ADGRV1: variants seen among roughly 807,000 people sequenced by gnomAD.
ADGRV1 encodes adhesion G protein-coupled receptor V1.
ADGRV1 carries 359 observed loss-of-function variants against 596.2 expected under a neutral mutation model. The ratio of observed to expected loss-of-function variants is 0.60; its 90% CI spans 0.55 to 0.66. ADGRV1 has a LOEUF of 0.66. Ranked by LOEUF, ADGRV1 falls within the 30% of genes least tolerant of loss-of-function variation. ADGRV1 has a pLI of 0.00. For missense variants in ADGRV1, 7,274 were observed against 7,575.6 expected, an observed-to-expected ratio of 0.96 and a Z score of 1.48; for synonymous variants, 2,681 against 2,679.2, an observed-to-expected ratio of 1.00 and a Z score of -0.02.
At chr5:90,565,218 C>G (rs1755486120) in intron 1 of ADGRV1, among the ~76,000 whole-genome samples, 1 of 152,056 alleles carries the variant, frequency 6.6e-6, no homozygotes. Flanking sequence ...GCCTGGGCAA[C>G]AAGAGCAAAA....
intron 79 of ADGRV1, among the ~76,000 whole-genome samples, chr5:90,852,624 A>T (rs907552212): frequency 5.3e-5 from 8 of 152,194 alleles, no homozygotes; most frequent in Non-Finnish European, 1.0e-4. Flanking sequence ...GTAATCTAGA[A>T]ATCTGTACTT....
In ADGRV1 at chr5:90,719,200, TGTACCTGAATG is replaced by T. The variant is rs1257931846; in HGVS notation, c.9448-843_9448-833del. The stretch of plus-strand genomic sequence containing the variant: ...CAAAAACTAGCTGGGTGTAGTGGTG[TGTACCTGAATG>T]GTACTCAGGAGGCTGAGGCAGGAGA... On this transcript the variant is annotated intron_variant, in intron 43 of 89. Transcript: ENST00000405460. 3.9e-5 allele frequency among the ~76,000 whole-genome samples: 6 copies of T among 152,152 alleles called. No homozygotes were observed. In the East Asian group the frequency reaches 7.7e-4, roughly 20 times the overall value.
intron 87 of ADGRV1, among the ~76,000 whole-genome samples, chr5:91,103,507 T>A (rs1199050388): frequency 6.6e-6 from 1 of 151,570 alleles, no homozygotes; most frequent in Non-Finnish European, 1.5e-5. Context: ...AGAGGCTCAG[T>A]CTTGGTCACC....
At chr5:90,896,032 A>G (rs1771278161) in intron 83 of ADGRV1, among the ~76,000 whole-genome samples, 1 of 152,014 alleles carries the variant, frequency 6.6e-6, no homozygotes, top group African/African-American at 2.4e-5. Flanking sequence ...CTCGGAGGTC[A>G]TTGACTATCA....
chr5:90,937,430 G>T (rs1297064970), intron 83 of ADGRV1, among the ~76,000 whole-genome samples: 1 of 145,020 alleles, frequency 6.9e-6, no homozygotes, highest in East Asian at 2.0e-4. Flanking sequence ...CCCATTTATT[G>T]TATCTTTTAA....
At chr5:90,937,544 G>A (rs1375797964) in intron 83 of ADGRV1, among the ~76,000 whole-genome samples, 3 of 144,902 alleles carry the variant, frequency 2.1e-5, no homozygotes, top group Non-Finnish European at 1.5e-5. Flanking sequence ...TGCAAGCTCC[G>A]CCTCCCGGGT....
chr5:90,756,930 T>G, intron 56 of ADGRV1, 49 bp from the exon 57 acceptor site: 25 of 1,380,146 alleles, frequency 1.8e-5, no homozygotes, highest in Non-Finnish European at 2.4e-5. Flanking sequence ...AGATGACTTA[T>G]GAGAGTTACC....
intron 31 of ADGRV1, among the ~76,000 whole-genome samples, chr5:90,691,675 G>A (rs1212878707): frequency 2.0e-5 from 3 of 152,024 alleles, no homozygotes; most frequent in Non-Finnish European, 4.4e-5. Context: ...ATGAGCCAAC[G>A]TGCCCAGCCT....
In ADGRV1 at chr5:90,810,331, G is replaced by A. The variant is rs1478360492; in HGVS notation, c.15071G>A (p.Arg5024Lys). 6.2e-7 allele frequency: 1 copy of A among 1,612,496 alleles called. No individual in the cohort carries two copies. Among genetic ancestry groups the A allele is most frequent in the Non-Finnish European group, 8.5e-7 (1 of 1,179,284 alleles). Reference sequence around the variant, plus strand: ...GTGTCAGAAGATACACAGATGATCAGATTACATGTACAAAGACTATTTGGG... The same window carrying A: ...GTGTCAGAAGATACACAGATGATCAAATTACATGTACAAAGACTATTTGGG... Reference protein sequence around the residue: ...IIVSEDTQMIRLHVQRLFGFH... With the variant: ...IIVSEDTQMIKLHVQRLFGFH... The change falls in exon 74 of 90, where the codon AGA becomes AAA. Residue 5024 changes from arginine (R) to lysine (K), a missense_variant. Coordinates refer to ENST00000405460, the MANE Select transcript of ADGRV1 (RefSeq NM_032119.4).
rs10058411 is a variant in ADGRV1, at chr5:91,020,500, C to A, written c.18152+34978C>A. ...GCAGGTCAAGAGTAGAACTTAGGGA[C>A]CTTAATGACTTGCACCAGGTTACAT... On this transcript the variant is annotated intron_variant, in intron 85 of 89. Transcript: ENST00000405460. 7.7e-4 allele frequency among the ~76,000 whole-genome samples: 117 copies of A among 151,974 alleles called. 1 individual carries two copies. Among genetic ancestry groups the A allele is most frequent in the African/African-American group, 2.6e-3 (108 of 41,376 alleles).
chr5:91,066,507 A>G (rs773902262), intron 85 of ADGRV1, among the ~76,000 whole-genome samples: 3 of 152,200 alleles, frequency 2.0e-5, no homozygotes, highest in Admixed American at 6.5e-5. Context: ...TTATTCAGAC[A>G]GTATTGCTCA....
chr5:90,994,350 G>T (rs1165274992), intron 85 of ADGRV1, among the ~76,000 whole-genome samples: 3 of 152,108 alleles, frequency 2.0e-5, no homozygotes, highest in Non-Finnish European at 4.4e-5. Context: ...GGCATGAGCT[G>T]CCATGCCCGG....
rs1745562795 is a variant in ADGRV1, at chr5:90,685,911, C to T, written c.6406C>T (p.Pro2136Ser). 1 of 1,611,220 alleles carries T rather than the reference C, an allele frequency of 6.2e-7. No individual in the cohort carries two copies. The change falls in exon 29 of 90, where the codon CCC (proline) becomes TCC (serine). Residue 2136 changes from proline to serine, a missense_variant. Around this residue, in one of 5 missense-constraint regions of ADGRV1, gnomAD observed 3,643 missense variants for 3,809.2 expected, o/e 0.96. Transcript: ENST00000405460. Reference protein sequence around the residue: ...IVRVAENHVGPIINVTRTGGA... With the variant: ...IVRVAENHVGSIINVTRTGGA... ...CCGAGTGGCAGAAAATCATGTTGGACCCATTATCAATGTGACTAGAACAGG... is the reference window on the plus strand; with the variant it reads ...CCGAGTGGCAGAAAATCATGTTGGATCCATTATCAATGTGACTAGAACAGG...
rs544607935 is a variant in ADGRV1 at position 90,929,899 on chromosome 5, T to G, written c.17857-35516T>G. 2.0e-5 allele frequency among the ~76,000 whole-genome samples: 3 copies of G among 152,342 alleles called. No homozygotes were observed. In the South Asian group the frequency reaches 6.2e-4, roughly 32 times the overall value. On this transcript the variant is annotated intron_variant, in intron 83 of 89. Coordinates refer to ENST00000405460, the MANE Select transcript of ADGRV1 (RefSeq NM_032119.4). Reference sequence around the variant, plus strand: ...TAAATGACTGTATCCTACAGAAACATTAAGAAATCATTTTTAAGAAAAGTT... The same window carrying G: ...TAAATGACTGTATCCTACAGAAACAGTAAGAAATCATTTTTAAGAAAAGTT...
Position 90,829,083 on chromosome 5 carries a change from G to A in ADGRV1, c.16508G>A (p.Gly5503Asp). 1.2e-6 allele frequency: 2 copies of A among 1,612,566 alleles called. No individual in the cohort carries two copies. Among genetic ancestry groups the A allele is most frequent in the East Asian group, 4.5e-5 (2 of 44,874 alleles). Residue 5503 changes from glycine to aspartate, a missense_variant, in exon 77 of 90, where the codon GGT (glycine) becomes GAT (aspartate). By Grantham distance (94) the Gly-to-Asp change is moderately conservative (BLOSUM62 -1). This residue lies in a region of ADGRV1 where 1,874 missense variants were observed against 1,970.2 expected (regional missense o/e 0.95). Coordinates refer to ENST00000405460, the MANE Select transcript of ADGRV1 (RefSeq NM_032119.4). ...ESQSLVYFSVGSRLAVAHKKA... is the reference protein window; with the variant it reads ...ESQSLVYFSVDSRLAVAHKKA... ...CAAAGCCTTGTGTATTTTTCTGTGG[G>A]TTCTCGGCTGGCAGTGGCTCACAAG... is the stretch of plus-strand genomic sequence containing the variant.
intron 49 of ADGRV1, among the ~76,000 whole-genome samples, chr5:90,729,148 G>C (rs527349392): frequency 3.3e-5 from 5 of 152,140 alleles, no homozygotes; most frequent in Admixed American, 3.3e-4. Context: ...CTACCTGAAA[G>C]TTATATGAAA....
At position 90,810,367 on chromosome 5, in the gene ADGRV1, A is replaced by T. The variant is rs1326353450; in HGVS notation, c.15107A>T (p.Asp5036Val). Reference protein sequence around the residue: ...HVQRLFGFHSDLIKVSYQTTA... With the variant: ...HVQRLFGFHSVLIKVSYQTTA... ...CAAAGACTATTTGGGTTCCACAGCG[A>T]TCTTATTAAAGTTTCTTATCAGACC... Residue 5036 changes from aspartate to valine, a missense_variant, in exon 74 of 90, where the codon GAT (aspartate) becomes GTT (valine). By Grantham distance (152) the Asp-to-Val change is radical. Coordinates refer to ENST00000405460, the MANE Select transcript of ADGRV1 (RefSeq NM_032119.4). The T allele has an allele frequency of 6.2e-7, 1 of 1,613,662 alleles. No individual in the cohort carries two copies. Among genetic ancestry groups the T allele is most frequent in the Non-Finnish European group, 8.5e-7 (1 of 1,179,824 alleles).
chr5:90,980,427 A>G (rs1440769283), intron 84 of ADGRV1, among the ~76,000 whole-genome samples: 3 of 152,210 alleles, frequency 2.0e-5, no homozygotes, highest in Admixed American at 6.5e-5. Flanking sequence ...CGGAGTGTGT[A>G]TGAAATGTAG....
At chr5:90,814,789 C>G (rs1762748774) in intron 74 of ADGRV1, among the ~76,000 whole-genome samples, 1 of 152,084 alleles carries the variant, frequency 6.6e-6, no homozygotes, top group South Asian at 2.1e-4. Flanking sequence ...TAAAAATGAA[C>G]TAATACACAT....
Sources: allele counts gnomAD v4.1 joint callset (sites outside exome capture counted in the v4.1 genomes callset), GRCh38; gene constraint gnomAD v4.1.1; regional missense constraint gnomAD v4.1.1; transcripts MANE v1.5; gene names NCBI Gene and HGNC (gene_info 2026-07-23, HGNC 2026-07-21).